SAMD4B: variants seen among roughly 807,000 people sequenced by gnomAD.
SAMD4B encodes protein Smaug homolog 2.
A neutral mutation model predicts 74.5 loss-of-function variants in SAMD4B; 5 were observed. The observed-to-expected ratio is 0.07, with a 90% CI of 0.04 to 0.14. The LOEUF is 0.14. SAMD4B is among the 10% of genes least tolerant of loss of function. The probability of loss-of-function intolerance (pLI) is 1.00; values close to 1 mark genes in which losing one functional copy is unlikely to be tolerated. For missense variants in SAMD4B, 608 were observed against 921.8 expected (o/e 0.66, Z 4.41); for synonymous variants, 373 against 374.9 (o/e 1.00, Z 0.06).
intron 3 of SAMD4B, chr19:39,369,388 G>T (rs979362553): frequency 5.9e-5 from 28 of 478,116 alleles, no homozygotes; most frequent in Middle Eastern, 5.5e-4. Context: ...TCAATAGTGG[G>T]ATTGCACTTG....
At chr19:39,379,504 G>A (rs1406423482) in intron 9 of SAMD4B, among the ~76,000 whole-genome samples, 1 of 152,204 alleles carries the variant, frequency 6.6e-6, no homozygotes, top group Non-Finnish European at 1.5e-5. Flanking sequence ...CAACCAGACT[G>A]TAAGCTCTCT....
intron 4 of SAMD4B, among the ~76,000 whole-genome samples, chr19:39,370,511 A>G (rs2077227500): frequency 1.3e-5 from 2 of 152,194 alleles, no homozygotes; most frequent in Non-Finnish European, 2.9e-5. Context: ...CATGCCCTTT[A>G]GACCCTGCAC....
At chr19:39,352,880 T>A (rs2145326083) in intron 1 of SAMD4B, among the ~76,000 whole-genome samples, 1 of 152,332 alleles carries the variant, frequency 6.6e-6, no homozygotes, top group South Asian at 2.1e-4. Flanking sequence ...CTGTAAATGC[T>A]GTTGGTATAT....
At chr19:39,353,070 GA>G (rs2076144365) in intron 1 of SAMD4B, among the ~76,000 whole-genome samples, 1 of 152,082 alleles carries the variant, frequency 6.6e-6, no homozygotes, top group Non-Finnish European at 1.5e-5. Context: ...TCCATTCTTG[GA>G]CAGATGCGTT....
At chr19:39,390,636 C>CT (rs1462989637), downstream of SAMD4B, among the ~76,000 whole-genome samples, 3 of 152,190 alleles carry the variant, frequency 2.0e-5, no homozygotes, top group East Asian at 5.8e-4. Context: ...CTCCAAAAGC[C>CT]TAATCCCTGA....
Position 39,383,142 on chromosome 19 carries a change from A to T in SAMD4B, c.1973-66A>T, listed in dbSNP as rs1032964276. 2 of 1,281,314 alleles carry T rather than the reference A, an allele frequency of 1.6e-6. No homozygotes were observed. Among genetic ancestry groups the T allele is most frequent in the Admixed American group, 3.4e-5 (2 of 59,534 alleles). 79.4% of individuals were successfully genotyped at this position (1,281,314 alleles called of 1,614,324 possible). ...CCTTCCCATACCAGCATCCTTTGTC[A>T]TCCCAGCTGTCTTCACCTGAGTCCA... On this transcript the variant is annotated intron_variant, in intron 12 of 13. Coordinates refer to ENST00000610417, the MANE Select transcript of SAMD4B (RefSeq NM_001384574.2). The surrounding 1 kb of genome is among the most constrained non-coding windows in gnomAD (Gnocchi z 4.1).
downstream of SAMD4B, chr19:39,388,233 A>G: frequency 9.3e-7 from 1 of 1,071,790 alleles, no homozygotes; most frequent in East Asian, 2.4e-5. Flanking sequence ...TTACCAATGC[A>G]TATGACAAAT....
At chr19:39,359,399 C>T (rs2076520757) in intron 3 of SAMD4B, among the ~76,000 whole-genome samples, 1 of 152,204 alleles carries the variant, frequency 6.6e-6, no homozygotes, top group Non-Finnish European at 1.5e-5. Flanking sequence ...TTCCAGACTT[C>T]ACGTTCTCAT....
rs147006825 is a variant in SAMD4B at position 39,376,773 on chromosome 19, C to T, written c.1086C>T (p.Val362=). The T allele has an allele frequency of 9.9e-6, 16 of 1,614,058 alleles. No individual in the cohort carries two copies. In the Admixed American group the frequency reaches 2.2e-4, roughly 22 times the overall value. The change falls in exon 7 of 14, where the codon GTC becomes GTT. Residue 362 remains valine, a synonymous_variant. Coordinates refer to ENST00000610417, the MANE Select transcript of SAMD4B (RefSeq NM_001384574.2). ...AGAAGCTGCGTGAGAGACAGAGCGT[C>T]CTCAAGTCCCTAGAGAAGGTGAGGA... is the stretch of plus-strand genomic sequence containing the variant. ...SIQKLRERQS[V]LKSLEKDVLE...
intron 1 of SAMD4B, among the ~76,000 whole-genome samples, chr19:39,352,763 G>T (rs1000714486): frequency 5.3e-5 from 8 of 151,702 alleles, no homozygotes; most frequent in Admixed American, 5.3e-4. Context: ...GGTGGGTGGA[G>T]GGGGGGAACA....
In SAMD4B at chr19:39,375,844, G is replaced by A; in HGVS notation, c.862G>A (p.Gly288Ser). 6.2e-7 allele frequency: 1 copy of A among 1,612,398 alleles called. No homozygotes were observed. Among genetic ancestry groups the A allele is most frequent in the African/African-American group, 1.3e-5 (1 of 75,012 alleles). ...TGGCAGTGAGCAGACAGAGGAGCAG[G>A]GCTCCAGCCGGAACACCTTCCAGGA... ...SSGSEQTEEQGSSRNTFQEDG... is the reference protein window; with the variant it reads ...SSGSEQTEEQSSSRNTFQEDG... The change falls in exon 5 of 14, where the codon GGC becomes AGC. Residue 288 changes from glycine (G) to serine (S), a missense_variant. Gly to Ser is a moderately conservative substitution (Grantham distance 56). Transcript: ENST00000610417. The surrounding 1 kb of genome is among the most constrained non-coding windows in gnomAD (Gnocchi z 4.1).
chr19:39,390,684 G>C (rs1464955003), downstream of SAMD4B: 1 of 956,950 alleles, frequency 1.0e-6, no homozygotes, highest in Non-Finnish European at 1.6e-6. Flanking sequence ...CTGAATCTCA[G>C]AAGGAACCCG....
At chr19:39,365,185 G>T (rs905809471) in intron 3 of SAMD4B, among the ~76,000 whole-genome samples, 1 of 149,746 alleles carries the variant, frequency 6.7e-6, no homozygotes, top group Non-Finnish European at 1.5e-5. Context: ...GGCAGAGCTT[G>T]CAGTGAGCCG....
chr19:39,376,869 C>A, intron 7 of SAMD4B, 78 bp downstream of exon 7: 1 of 1,235,160 alleles, frequency 8.1e-7, no homozygotes, highest in Non-Finnish European at 1.2e-6. Flanking sequence ...CTGAGTTGGC[C>A]TCCAGACTCC....
chr19:39,360,298 A>G (rs943651812), intron 3 of SAMD4B: 1 of 152,208 alleles, frequency 6.6e-6, no homozygotes, highest in Non-Finnish European at 1.5e-5. Context: ...GATGGTTTGC[A>G]GTGGGATATT....
intron 10 of SAMD4B, 26 bp downstream of exon 10, chr19:39,380,110 ACCTGCCCT>A (rs745779582): frequency 5.1e-6 from 8 of 1,571,604 alleles, no homozygotes; most frequent in Non-Finnish European, 7.0e-6. Flanking sequence ...GGTTACAGGG[ACCTGCCCT>A]CCATAGGCCT....
chr19:39,376,103 T>C (rs1409051383), intron 5 of SAMD4B, among the ~76,000 whole-genome samples: 2 of 152,122 alleles, frequency 1.3e-5, no homozygotes, highest in African/African-American at 4.8e-5. Flanking sequence ...AGGAGCCCCC[T>C]GTCTTCACAC....
chr19:39,389,655 G>C, downstream of SAMD4B: 4 of 1,614,192 alleles, frequency 2.5e-6, no homozygotes, highest in Non-Finnish European at 1.7e-6. This position sits in a 1 kb window ranked among gnomAD's most constrained non-coding sequence, Gnocchi z 5.3. Context: ...GGGTCGATGC[G>C]GTAGGTGTCA....
intron 1 of SAMD4B, among the ~76,000 whole-genome samples, chr19:39,349,349 A>C (rs1048566838): frequency 2.6e-5 from 4 of 152,150 alleles, no homozygotes; most frequent in African/African-American, 9.7e-5. Flanking sequence ...TTCGGGGGGA[A>C]GGGGTGTCAA....
Sources: gnomAD v4.1 joint callset for allele counts (sites outside exome capture counted in the v4.1 genomes callset) on GRCh38, gnomAD v4.1.1 for gene constraint, Gnocchi (gnomAD v3.1) non-coding constraint, MANE v1.5 for transcripts, NCBI Gene and HGNC (gene_info 2026-07-23, HGNC 2026-07-21) for gene names.